Variants in LRMDA observed in about 807,000 individuals in gnomAD.
The protein encoded by LRMDA is leucine-rich melanocyte differentiation-associated protein.
Under a neutral mutation model 29.8 loss-of-function variants are expected in LRMDA, and 18 were observed. The observed-to-expected ratio is 0.60, with a 90% CI of 0.42 to 0.90. LRMDA has a LOEUF of 0.90. Among genes scored for constraint, LRMDA ranks in the 40% least tolerant of loss-of-function variants. The probability of loss-of-function intolerance (pLI) is 0.00; values close to 1 mark genes in which losing one functional copy is unlikely to be tolerated. For synonymous variants in LRMDA, 125 were observed against 109.4 expected, an observed-to-expected ratio of 1.14 and a Z score of -0.89; for missense variants, 273 against 273.9, an observed-to-expected ratio of 1.00 and a Z score of 0.02.
intron 6 of LRMDA, among the ~76,000 whole-genome samples, chr10:76,481,293 C>T (rs1282624142): frequency 6.6e-6 from 1 of 151,930 alleles, no homozygotes; most frequent in Non-Finnish European, 1.5e-5. Context: ...TTGATATGCT[C>T]AGCCTTCTCC....
intron 2 of LRMDA, among the ~76,000 whole-genome samples, chr10:75,513,619 T>C (rs1295217981): frequency 6.6e-6 from 1 of 152,168 alleles, no homozygotes; most frequent in Non-Finnish European, 1.5e-5. Context: ...CAGGGCCCTC[T>C]TCCCTCTGGA....
intron 2 of LRMDA, among the ~76,000 whole-genome samples, chr10:75,975,669 C>T (rs1847057302): frequency 6.6e-6 from 1 of 152,156 alleles, no homozygotes; most frequent in African/African-American, 2.4e-5. Context: ...TCTGTCACAT[C>T]TTCCTTTGAT....
At chr10:75,716,063 AG>A (rs1842496175) in intron 2 of LRMDA, among the ~76,000 whole-genome samples, 1 of 152,248 alleles carries the variant, frequency 6.6e-6, no homozygotes, top group African/African-American at 2.4e-5. Flanking sequence ...AAGGAGCCTC[AG>A]GACCCACTGT....
Position 76,410,514 on chromosome 10 carries a change from G to T in LRMDA, c.601+86029G>T, listed in dbSNP as rs145740887. On this transcript the variant is annotated intron_variant, in intron 6 of 6. Coordinates refer to ENST00000611255, the MANE Select transcript of LRMDA (RefSeq NM_001305581.2). ...TGTAGAGACAGAGTTTTGCCATGTTGCCCAGGCTAGTCTTGAACTCCTAGG... is the reference window on the plus strand; with the variant it reads ...TGTAGAGACAGAGTTTTGCCATGTTTCCCAGGCTAGTCTTGAACTCCTAGG... Among the ~76,000 whole-genome samples, 921 of 151,802 alleles carry T rather than the reference G, an allele frequency of 6.1e-3. 5 individuals carry two copies. Among genetic ancestry groups the T allele is most frequent in the African/African-American group, 0.022 (895 of 41,440 alleles).
At chr10:75,557,738 C>T (rs1313218707) in intron 2 of LRMDA, among the ~76,000 whole-genome samples, 1 of 152,166 alleles carries the variant, frequency 6.6e-6, no homozygotes, top group Non-Finnish European at 1.5e-5. Context: ...TGCCCAGCTG[C>T]GATTTGTCCA....
intron 2 of LRMDA, among the ~76,000 whole-genome samples, chr10:75,943,839 C>G (rs1310130197): frequency 6.6e-6 from 1 of 152,162 alleles, no homozygotes; most frequent in Admixed American, 6.5e-5. Context: ...TATTGAGGAC[C>G]TGCTATATGC....
chr10:76,363,410 T>G (rs1841353667), intron 6 of LRMDA, among the ~76,000 whole-genome samples: 1 of 152,114 alleles, frequency 6.6e-6, no homozygotes, highest in African/African-American at 2.4e-5. Context: ...ATCATCTCTA[T>G]AGAAAATTCA....
rs199953237 is a variant in LRMDA at position 76,544,278 on chromosome 10, AT to A, written c.602-12925del. On this transcript the variant is annotated intron_variant, in intron 6 of 6. Coordinates refer to ENST00000611255, the MANE Select transcript of LRMDA (RefSeq NM_001305581.2). Reference sequence around the variant, plus strand: ...CGAGGCTCACATTGGCCCATGGGCAATTTTTTCCCCCCAATATGGAAGCATG... The same window carrying A: ...CGAGGCTCACATTGGCCCATGGGCAATTTTTCCCCCCAATATGGAAGCATG... Among the ~76,000 whole-genome samples the A allele has an allele frequency of 1.2e-3, 179 of 152,242 alleles. 1 individual carries two copies. Among genetic ancestry groups the A allele is most frequent in the East Asian group, 3.5e-3 (18 of 5,182 alleles).
At chr10:75,652,387 C>A (rs72809460) in intron 2 of LRMDA, among the ~76,000 whole-genome samples, 3,235 of 152,298 alleles carry the variant, frequency 0.021, 48 homozygotes, top group South Asian at 0.032. Context: ...ACTGTGTAGA[C>A]ACTCAGCCTC....
intron 6 of LRMDA, among the ~76,000 whole-genome samples, chr10:76,440,071 C>T (rs570314577): frequency 6.6e-6 from 1 of 152,284 alleles, no homozygotes; most frequent in South Asian, 2.1e-4. Flanking sequence ...GCTTAAGTAA[C>T]TGACACTGTA....
At chr10:76,427,130 A>G (rs1842136090) in intron 6 of LRMDA, among the ~76,000 whole-genome samples, 2 of 152,062 alleles carry the variant, frequency 1.3e-5, no homozygotes, top group East Asian at 1.9e-4. Context: ...GTTTTTTCCA[A>G]TTCTGTGAAG....
chr10:75,470,947 G>A (rs1158855733), intron 2 of LRMDA, among the ~76,000 whole-genome samples: 2 of 152,154 alleles, frequency 1.3e-5, no homozygotes, highest in Admixed American at 1.3e-4. Context: ...TGTTGAATCC[G>A]CAGCCCTGGC....
At chr10:76,324,323 A>G (rs1170320467) in intron 5 of LRMDA, 78 bp from the exon 6 acceptor site, 1 of 1,220,704 alleles carries the variant, frequency 8.2e-7, no homozygotes, top group Non-Finnish European at 1.2e-6. Flanking sequence ...GATCCCAAGG[A>G]GACAGGTCTG....
At chr10:75,577,531 C>A (rs9415114) in intron 2 of LRMDA, among the ~76,000 whole-genome samples, 14,679 of 152,192 alleles carry the variant, frequency 0.096, 988 homozygotes, top group East Asian at 0.36. Flanking sequence ...TTCGGAAATA[C>A]AGAGAACACC....
intron 6 of LRMDA, among the ~76,000 whole-genome samples, chr10:76,542,326 A>G (rs924935554): frequency 1.3e-5 from 2 of 151,982 alleles, no homozygotes; most frequent in Non-Finnish European, 2.9e-5. Context: ...TGGCCGCTCA[A>G]TTTTTTTTGG....
chr10:76,026,731 A>G (rs1298696846), intron 2 of LRMDA, among the ~76,000 whole-genome samples: 1 of 152,206 alleles, frequency 6.6e-6, no homozygotes, highest in African/African-American at 2.4e-5. Flanking sequence ...CCTTTGGCAA[A>G]GCAGAACTGA....
At chr10:75,744,374 G>A (rs1209515568) in intron 2 of LRMDA, among the ~76,000 whole-genome samples, 3 of 152,078 alleles carry the variant, frequency 2.0e-5, no homozygotes, top group Non-Finnish European at 4.4e-5. Flanking sequence ...TATTTAGAGG[G>A]GTCTAGACAT....
Position 75,599,439 on chromosome 10 carries a change from A to C in LRMDA, c.131+160945A>C, listed in dbSNP as rs973750040. ...GGATCAAACAGCCGCCAAGCTGGTGAGGGCTTTATGGTCCACAGGTAATTG... is the reference window on the plus strand; with the variant it reads ...GGATCAAACAGCCGCCAAGCTGGTGCGGGCTTTATGGTCCACAGGTAATTG... On this transcript the variant is annotated intron_variant, in intron 2 of 6. Coordinates refer to ENST00000611255, the MANE Select transcript of LRMDA (RefSeq NM_001305581.2). 3.9e-5 allele frequency among the ~76,000 whole-genome samples: 6 copies of C among 152,210 alleles called. No individual in the cohort carries two copies. The East Asian group carries it at 1.2e-3, about 29-fold the overall frequency.
At chr10:75,768,945 G>A (rs1256309613) in intron 2 of LRMDA, among the ~76,000 whole-genome samples, 1 of 152,068 alleles carries the variant, frequency 6.6e-6, no homozygotes, top group African/African-American at 2.4e-5. Flanking sequence ...ATTTGGCCAG[G>A]GCCTGCAATT....
Sources: allele counts gnomAD v4.1 joint callset (sites outside exome capture counted in the v4.1 genomes callset), GRCh38; gene constraint gnomAD v4.1.1; transcripts MANE v1.5; gene names NCBI Gene and HGNC (gene_info 2026-07-23, HGNC 2026-07-21).